The following NCOA2 variants were observed in gnomAD, a reference collection of about 807,000 sequenced individuals.
The protein encoded by NCOA2 is nuclear receptor coactivator 2.
A neutral mutation model predicts 145.1 loss-of-function variants in NCOA2; 21 were observed. That is an observed-to-expected ratio of 0.14 (90% CI 0.10 to 0.21). The LOEUF (loss-of-function observed/expected upper bound fraction) is 0.21, where lower values mean the gene tolerates loss of function less well. NCOA2 is among the 10% of genes least tolerant of loss of function. The pLI is 1.00. For missense variants in NCOA2, 1,472 were observed against 1,837.6 expected, an observed-to-expected ratio of 0.80 and a Z score of 3.64; for synonymous variants, 619 against 637.5, an observed-to-expected ratio of 0.97 and a Z score of 0.44.
chr8:70,116,584 A>C (rs1251591839), intron 22 of NCOA2, among the ~76,000 whole-genome samples: 1 of 152,198 alleles, frequency 6.6e-6, no homozygotes, highest in Non-Finnish European at 1.5e-5. Context: ...TCCTTGATTC[A>C]TAACAGCAGC....
At chr8:70,416,186 A>AT in the NCOA2 span, among the ~76,000 whole-genome samples, 2 of 134,602 alleles carry the variant, frequency 1.5e-5, no homozygotes, top group Non-Finnish European at 1.6e-5. Flanking sequence ...GGGGGACCTC[A>AT]GTTTTTTTGT....
chr8:70,166,942 T>C (rs890484421), intron 6 of NCOA2, among the ~76,000 whole-genome samples, 188 bp from the exon 7 acceptor site: 9 of 152,324 alleles, frequency 5.9e-5, no homozygotes, highest in African/African-American at 2.2e-4. Flanking sequence ...TGGGAATATC[T>C]TGGGATTTTC....
At chr8:70,145,288 G>T (rs191505233) in intron 12 of NCOA2, among the ~76,000 whole-genome samples, 2 of 152,148 alleles carry the variant, frequency 1.3e-5, no homozygotes, top group East Asian at 3.9e-4. Flanking sequence ...CTCCCAAGTA[G>T]CTGGGATTAT....
chr8:70,289,085 G>C (rs984156598), intron 2 of NCOA2, among the ~76,000 whole-genome samples: 1 of 152,126 alleles, frequency 6.6e-6, no homozygotes, highest in African/African-American at 2.4e-5. Context: ...ATATAATAGC[G>C]TAAGTAATCA....
At chr8:70,292,996 G>A (rs1360535948) in intron 2 of NCOA2, among the ~76,000 whole-genome samples, 1 of 152,160 alleles carries the variant, frequency 6.6e-6, no homozygotes, top group Non-Finnish European at 1.5e-5. Context: ...GACCAGGATC[G>A]TGATTCTACT....
At chr8:70,203,831 T>C (rs182091999) in intron 4 of NCOA2, among the ~76,000 whole-genome samples, 4 of 152,224 alleles carry the variant, frequency 2.6e-5, no homozygotes, top group Admixed American at 6.5e-5. Context: ...CGGCAAATTC[T>C]TACATGAGTT....
the NCOA2 span, chr8:70,424,606 C>T: frequency 4.6e-6 from 2 of 430,218 alleles, no homozygotes; most frequent in Non-Finnish European, 9.3e-6. Flanking sequence ...GTGTGCAGGC[C>T]TCCTGTGGAA....
At chr8:70,302,500 C>T (rs1827586129) in intron 1 of NCOA2, among the ~76,000 whole-genome samples, 2 of 152,142 alleles carry the variant, frequency 1.3e-5, no homozygotes, top group Non-Finnish European at 2.9e-5. Context: ...CTCCAAAGTC[C>T]TCTGTAAGGT....
At chr8:70,422,929 C>A in the NCOA2 span, among the ~76,000 whole-genome samples, 3 of 152,050 alleles carry the variant, frequency 2.0e-5, no homozygotes, top group South Asian at 2.1e-4. Context: ...CCAGGCTGGC[C>A]TCTAACTCCT....
chr8:70,357,753 C>T (rs1300328774), intron 1 of NCOA2, among the ~76,000 whole-genome samples: 3 of 150,472 alleles, frequency 2.0e-5, no homozygotes, highest in Non-Finnish European at 3.0e-5. Flanking sequence ...AAAAAAAAAG[C>T]GCGGTGGGGG....
intron 1 of NCOA2, among the ~76,000 whole-genome samples, chr8:70,341,752 C>T (rs1015562621): frequency 6.6e-5 from 10 of 152,028 alleles, no homozygotes; most frequent in African/African-American, 2.2e-4. Context: ...CAAAATATAA[C>T]GGATAAGCTA....
At chr8:70,314,181 A>C (rs12542418) in intron 1 of NCOA2, among the ~76,000 whole-genome samples, 4 of 87,126 alleles carry the variant, frequency 4.6e-5, no homozygotes, top group Admixed American at 1.2e-4. Flanking sequence ...CTCTGACTCC[A>C]AAAAAAAAAA....
chr8:70,141,090 T>C (rs1162389919), intron 14 of NCOA2, 94 bp downstream of exon 14: 2 of 1,205,448 alleles, frequency 1.7e-6, no homozygotes, highest in Non-Finnish European at 2.4e-6. Context: ...TTATCTAAAA[T>C]GCCCATAAGA....
At chr8:70,308,130 C>A (rs903856355) in intron 1 of NCOA2, among the ~76,000 whole-genome samples, 2 of 152,024 alleles carry the variant, frequency 1.3e-5, no homozygotes, top group Non-Finnish European at 1.5e-5. Flanking sequence ...AACTAAAGAA[C>A]AAAGTCTTTT....
chr8:70,163,370 G>T, intron 8 of NCOA2, 95 bp downstream of exon 8: 1 of 841,346 alleles, frequency 1.2e-6, no homozygotes, highest in Non-Finnish European at 1.9e-6. Context: ...GCTAGTACTA[G>T]CATCCTTACA....
At chr8:70,129,695 G>A (rs912484312) in intron 16 of NCOA2, among the ~76,000 whole-genome samples, 6 of 151,876 alleles carry the variant, frequency 4.0e-5, no homozygotes, top group Non-Finnish European at 7.4e-5. Context: ...TTTTGAGACG[G>A]AGTTTCGCTC....
the NCOA2 span, among the ~76,000 whole-genome samples, chr8:70,427,148 AT>A: frequency 6.6e-6 from 1 of 152,174 alleles, no homozygotes; most frequent in African/African-American, 2.4e-5. Context: ...TATGTATTAT[AT>A]TCTAACACTG....
Position 70,111,477 on chromosome 8 carries a change from T to C in NCOA2, c.*2155A>G. On this transcript the variant is annotated 3_prime_UTR_variant, in exon 23 of 23. Coordinates refer to ENST00000452400, the MANE Select transcript of NCOA2 (RefSeq NM_006540.4). ...AGTTCTGGGCCAACATCTGCTTGTT[T>C]TTTCCATCACAGTTGGGCAACCCAA... The C allele has an allele frequency of 4.6e-6, 1 of 219,124 alleles. No individual in the cohort carries two copies. The highest frequency in any genetic ancestry group is 9.2e-6 in the Non-Finnish European group (1 of 109,162). 13.6% of individuals were successfully genotyped at this position (219,124 alleles called of 1,614,324 possible).
At position 70,212,756 on chromosome 8, in the gene NCOA2, T is replaced by A. The variant is rs80020354; in HGVS notation, c.259+1147A>T. On this transcript the variant is annotated intron_variant, in intron 4 of 22. Transcript: ENST00000452400. ...TGAATATTATATAAAAGGCAGATTT[T>A]AAAAATTTGAACTCTAAGAGGATGC... is the stretch of plus-strand genomic sequence containing the variant. 3.1e-3 allele frequency among the ~76,000 whole-genome samples: 476 copies of A among 152,192 alleles called. 5 individuals are homozygous for A. Among genetic ancestry groups the A allele is most frequent in the African/African-American group, 0.011 (463 of 41,518 alleles).
Sources: gnomAD v4.1 joint callset for allele counts (sites outside exome capture counted in the v4.1 genomes callset) on GRCh38, gnomAD v4.1.1 for gene constraint, MANE v1.5 for transcripts, NCBI Gene and HGNC (gene_info 2026-07-23, HGNC 2026-07-21) for gene names.